EFR3A: variants seen among roughly 807,000 people sequenced by gnomAD.
EFR3A encodes the protein EFR3 homolog A, also known as protein EFR3 homolog A.
Under a neutral mutation model 104.4 loss-of-function variants are expected in EFR3A, and 76 were observed. The observed-to-expected ratio is 0.73, with a 90% CI of 0.60 to 0.88. EFR3A has a LOEUF of 0.88. Among genes scored for constraint, EFR3A ranks in the 40% least tolerant of loss-of-function variants. The pLI is 0.00. For synonymous variants in EFR3A, 330 were observed against 330.0 expected (o/e 1.00, Z 0.00); for missense variants, 985 against 1,012.5 (o/e 0.97, Z 0.37).
intron 9 of EFR3A, 52 bp from the exon 10 acceptor site, chr8:131,970,423 CA>C (rs1388756555): frequency 6.5e-7 from 1 of 1,528,268 alleles, no homozygotes; most frequent in Non-Finnish European, 8.9e-7. Flanking sequence ...TAATTGACTT[CA>C]AATATGCAAT....
intron 1 of EFR3A, among the ~76,000 whole-genome samples, chr8:131,906,752 C>G (rs1229166529): frequency 6.6e-6 from 1 of 152,156 alleles, no homozygotes. Context: ...ATTTTGTGGT[C>G]GTGTTACAAG....
chr8:131,949,616 C>T (rs1818599824), intron 4 of EFR3A, among the ~76,000 whole-genome samples: 1 of 151,970 alleles, frequency 6.6e-6, no homozygotes, highest in South Asian at 2.1e-4. Context: ...GCAGCCTGGG[C>T]AACATAGCAA....
chr8:131,934,495 A>C (rs1186055478), intron 1 of EFR3A, among the ~76,000 whole-genome samples: 1 of 152,184 alleles, frequency 6.6e-6, no homozygotes, highest in Non-Finnish European at 1.5e-5. Flanking sequence ...TAAAATGTCC[A>C]AGGTTTGTTT....
At chr8:131,949,881 T>C (rs1310679640) in intron 4 of EFR3A, 88 bp from the exon 5 acceptor site, 1 of 1,158,736 alleles carries the variant, frequency 8.6e-7, no homozygotes, top group East Asian at 2.6e-5. Context: ...TTTATATTGC[T>C]TGTTAATATG....
chr8:131,981,899 A>G lies in EFR3A; in HGVS notation c.1576-2240A>G, dbSNP rs1008854891. On this transcript the variant is annotated intron_variant, in intron 14 of 22. Transcript: ENST00000254624. ...TGAAGCGTATTCTTCCAGAGAAAAT[A>G]GCTGCCACCACTGAGTCTACAACTC... Among the ~76,000 whole-genome samples, 8 of 152,232 alleles carry G rather than the reference A, an allele frequency of 5.3e-5. No individual in the cohort carries two copies. The East Asian group carries it at 9.7e-4, about 18-fold the overall frequency.
intron 2 of EFR3A, among the ~76,000 whole-genome samples, chr8:131,944,137 T>TAA (rs1354050061): frequency 1.3e-5 from 2 of 152,094 alleles, no homozygotes; most frequent in African/African-American, 4.8e-5. Context: ...CCAAGAAACT[T>TAA]ACGTGGTAAC....
At chr8:131,927,374 A>G (rs920565931) in intron 1 of EFR3A, among the ~76,000 whole-genome samples, 1 of 152,152 alleles carries the variant, frequency 6.6e-6, no homozygotes, top group Non-Finnish European at 1.5e-5. Context: ...TCAGATTATT[A>G]AGCAAAAGTA....
At position 131,958,563 on chromosome 8, in the gene EFR3A, C is replaced by T. The variant is rs983171162; in HGVS notation, c.777-1022C>T. 5.4e-5 allele frequency among the ~76,000 whole-genome samples: 8 copies of T among 148,692 alleles called. No individual in the cohort carries two copies. The South Asian group carries it at 6.4e-4, about 12-fold the overall frequency. On this transcript the variant is annotated intron_variant, in intron 7 of 22. Coordinates refer to ENST00000254624, the MANE Select transcript of EFR3A (RefSeq NM_015137.6). The stretch of plus-strand genomic sequence containing the variant: ...AACACGTAGTAGACCTTAATAACTA[C>T]GATGATTCAAGAGGGATTTCAGGTC...
intron 2 of EFR3A, among the ~76,000 whole-genome samples, chr8:131,942,164 A>G (rs1030878215): frequency 1.3e-5 from 2 of 152,052 alleles, no homozygotes; most frequent in Non-Finnish European, 2.9e-5. Context: ...AAATGACCAT[A>G]GGTAAATTAG....
intron 1 of EFR3A, among the ~76,000 whole-genome samples, chr8:131,920,311 T>C (rs1259035823): frequency 2.6e-5 from 4 of 152,158 alleles, no homozygotes; most frequent in African/African-American, 9.7e-5. Flanking sequence ...TCCTAAGATG[T>C]GCATGTAGCA....
chr8:131,911,942 A>G (rs796617304), intron 1 of EFR3A, among the ~76,000 whole-genome samples: 6 of 152,310 alleles, frequency 3.9e-5, no homozygotes, highest in African/African-American at 1.4e-4. Flanking sequence ...TTACGCAGAA[A>G]GGCCGAGGGA....
Position 131,944,865 on chromosome 8 carries a change from C to T in EFR3A, c.208C>T (p.Arg70Cys), listed in dbSNP as rs1212454955. The change falls in exon 3 of 23, where the codon CGT becomes TGT. Residue 70 changes from arginine (R) to cysteine (C), a missense_variant. Arg to Cys is a radical substitution (Grantham distance 180, BLOSUM62 -3). Transcript: ENST00000254624. The part of the protein sequence containing the change: ...ERLSRDVVRH[R>C]SGYVLIAMEA... The stretch of plus-strand genomic sequence containing the variant: ...GTTGAGCAGGGATGTTGTCAGACAT[C>T]GTTCTGGGTAAGGAAACTAATGGCT... 10 of 1,608,016 alleles carry T rather than the reference C, an allele frequency of 6.2e-6. No individual in the cohort carries two copies. The highest frequency in any genetic ancestry group is 4.5e-5 in the East Asian group (2 of 44,662).
intron 18 of EFR3A, among the ~76,000 whole-genome samples, chr8:131,991,925 C>A (rs1285231387): frequency 6.6e-6 from 1 of 152,130 alleles, no homozygotes; most frequent in African/African-American, 2.4e-5. Flanking sequence ...TTGGATTTTC[C>A]TAGAAGGTGA....
intron 1 of EFR3A, among the ~76,000 whole-genome samples, chr8:131,906,864 G>A (rs1015030706): frequency 1.1e-4 from 16 of 152,248 alleles, no homozygotes; most frequent in African/African-American, 3.9e-4. Flanking sequence ...TTTTTCTAGA[G>A]GCCTTTATTT....
chr8:131,960,637 T>A (rs78528791), intron 8 of EFR3A, among the ~76,000 whole-genome samples: 1 of 152,212 alleles, frequency 6.6e-6, no homozygotes, highest in Non-Finnish European at 1.5e-5. Flanking sequence ...GCAGGTATCA[T>A]TCTTAGGTAA....
At chr8:131,980,822 C>T (rs1302831103) in intron 14 of EFR3A, among the ~76,000 whole-genome samples, 1 of 152,016 alleles carries the variant, frequency 6.6e-6, no homozygotes, top group East Asian at 1.9e-4. Context: ...CCCTCCTCCT[C>T]GCTTTCAGGC....
At chr8:131,935,004 T>A (rs1000010424) in intron 1 of EFR3A, among the ~76,000 whole-genome samples, 2 of 152,080 alleles carry the variant, frequency 1.3e-5, no homozygotes, top group African/African-American at 4.8e-5. Context: ...TTTTAAAGGG[T>A]TTTGGACACC....
At chr8:131,992,673 A>AGATAATCTCTG (rs1382381245) in intron 18 of EFR3A, among the ~76,000 whole-genome samples, 2 of 152,210 alleles carry the variant, frequency 1.3e-5, no homozygotes, top group African/African-American at 4.8e-5. Context: ...AGGCCTTGAA[A>AGATAATCTCTG]GATAATCTCT....
intron 17 of EFR3A, among the ~76,000 whole-genome samples, chr8:131,986,710 A>G (rs999283278): frequency 6.7e-6 from 1 of 149,930 alleles, no homozygotes; most frequent in African/African-American, 2.4e-5. Flanking sequence ...GCTTGATCCC[A>G]GGAGGTGGAG....
Sources: allele counts gnomAD v4.1 joint callset (sites outside exome capture counted in the v4.1 genomes callset), GRCh38; gene constraint gnomAD v4.1.1; transcripts MANE v1.5; gene names NCBI Gene and HGNC (gene_info 2026-07-23, HGNC 2026-07-21).